The following MRPS5 variants were observed in gnomAD, a reference collection of about 807,000 sequenced individuals.
The protein encoded by MRPS5 is small ribosomal subunit protein uS5m.
In MRPS5, 27 loss-of-function variants were observed where a neutral mutation model predicts 51.9. The observed-to-expected ratio is 0.52, with a 90% CI of 0.38 to 0.72. The LOEUF (loss-of-function observed/expected upper bound fraction) is 0.72. MRPS5 is among the 30% of genes least tolerant of loss of function. The pLI is 0.00. For synonymous variants in MRPS5, 196 were observed against 193.2 expected, an observed-to-expected ratio of 1.01 and a Z score of -0.12; for missense variants, 570 against 545.7, an observed-to-expected ratio of 1.04 and a Z score of -0.44.
intron 3 of MRPS5, among the ~76,000 whole-genome samples, chr2:95,111,284 G>T (rs1676109558): frequency 6.6e-6 from 1 of 152,066 alleles, no homozygotes; most frequent in South Asian, 2.1e-4. Flanking sequence ...CTCTCACTAA[G>T]GATTTGATTT....
chr2:95,094,775 CATGCCAA>C (rs1675572378), intron 10 of MRPS5, among the ~76,000 whole-genome samples: 1 of 152,200 alleles, frequency 6.6e-6, no homozygotes, highest in African/African-American at 2.4e-5. Context: ...ACTGCAAAAA[CATGCCAA>C]ATTGTAAAGA....
chr2:95,109,407 G>C (rs1220698349), intron 4 of MRPS5, among the ~76,000 whole-genome samples: 3 of 152,154 alleles, frequency 2.0e-5, no homozygotes, highest in South Asian at 2.1e-4. Context: ...CGTGTTCTGG[G>C]TGTCAACAAA....
Position 95,086,183 on chromosome 2 carries a change from G to C in MRPS5, c.*1174C>G, listed in dbSNP as rs1237947912. Among the ~76,000 whole-genome samples, 2 of 152,106 alleles carry C rather than the reference G, an allele frequency of 1.3e-5. No homozygotes were observed. Among genetic ancestry groups the C allele is most frequent in the African/African-American group, 4.8e-5 (2 of 41,402 alleles). On this transcript the variant is annotated 3_prime_UTR_variant, in exon 12 of 12. Coordinates refer to ENST00000272418, the MANE Select transcript of MRPS5 (RefSeq NM_031902.5). ...AATCCTCCTGCCTCACCTTCACAAA[G>C]TGCTGGGGTTATAGGCGTGAGCCAC...
intron 6 of MRPS5, among the ~76,000 whole-genome samples, chr2:95,105,243 T>TC (rs1345575870): frequency 6.6e-6 from 1 of 152,200 alleles, no homozygotes; most frequent in Admixed American, 6.5e-5. Flanking sequence ...TGTATTTTTT[T>TC]CTGTGTATTT....
Position 95,121,754 on chromosome 2 carries a change from A to C in MRPS5, c.38T>G (p.Val13Gly), listed in dbSNP as rs776345512. The change falls in exon 1 of 12, where the codon GTG (valine) becomes GGG (glycine). Residue 13 changes from valine to glycine, a missense_variant. Val to Gly is a moderately radical substitution (Grantham distance 109, BLOSUM62 -3). Coordinates refer to ENST00000272418, the MANE Select transcript of MRPS5 (RefSeq NM_031902.5). ...CTCACCTGCCGTCCCGCTACACAGC[A>C]CGGGGAGGCAGCCCACAGCGCGCAC... is the stretch of plus-strand genomic sequence containing the variant. ...TAVRAVGCLP[V>G]LCSGTAGHLL... The C allele has an allele frequency of 1.3e-6, 2 of 1,552,940 alleles. No individual in the cohort carries two copies. Among genetic ancestry groups the C allele is most frequent in the Non-Finnish European group, 8.6e-7 (1 of 1,158,610 alleles).
chr2:95,118,299 T>C (rs183110593), intron 1 of MRPS5, among the ~76,000 whole-genome samples: 2 of 152,354 alleles, frequency 1.3e-5, no homozygotes, highest in Admixed American at 1.3e-4. Flanking sequence ...CCCCCTCTGC[T>C]TCATGGCTTT....
At chr2:95,104,141 T>C (rs1675879351) in intron 7 of MRPS5, 1 of 164,756 alleles carries the variant, frequency 6.1e-6, no homozygotes, top group Non-Finnish European at 1.3e-5. Context: ...CAGTGTACAG[T>C]TTTCCAGTCT....
At chr2:95,097,829 A>G (rs1675672865) in intron 10 of MRPS5, among the ~76,000 whole-genome samples, 2 of 152,248 alleles carry the variant, frequency 1.3e-5, no homozygotes, top group African/African-American at 4.8e-5. Flanking sequence ...AATGGCAACA[A>G]AAGCCAAAAT....
intron 9 of MRPS5, 147 bp downstream of exon 9, chr2:95,100,687 CCTT>C (rs1363985194): frequency 9.1e-6 from 8 of 880,638 alleles, no homozygotes; most frequent in Admixed American, 8.8e-5. Flanking sequence ...ATTTTAGTAA[CCTT>C]CTTAGGAGAT....
At position 95,087,344 on chromosome 2, in the gene MRPS5, A is replaced by G; in HGVS notation, c.*13T>C. ...AGGGCAGCACAGGAACTGGCTGCAC[A>G]AGGCCAGAGAGGTTACGTGGCGGCT... On this transcript the variant is annotated 3_prime_UTR_variant, in exon 12 of 12. Coordinates refer to ENST00000272418, the MANE Select transcript of MRPS5 (RefSeq NM_031902.5). 6.2e-7 allele frequency: 1 copy of G among 1,612,320 alleles called. No homozygotes were observed. The highest frequency in any genetic ancestry group is 1.1e-5 in the South Asian group (1 of 91,006).
In MRPS5 at chr2:95,086,616, A is replaced by G. The variant is rs1270700244; in HGVS notation, c.*741T>C. On this transcript the variant is annotated 3_prime_UTR_variant, in exon 12 of 12. Coordinates refer to ENST00000272418, the MANE Select transcript of MRPS5 (RefSeq NM_031902.5). ...GAAAGAGGATGTGGGTGGGGCAGAAAGAGTATGCAAAGAAATAAAAATATA... is the reference window on the plus strand; with the variant it reads ...GAAAGAGGATGTGGGTGGGGCAGAAGGAGTATGCAAAGAAATAAAAATATA... 2.0e-5 allele frequency among the ~76,000 whole-genome samples: 3 copies of G among 152,206 alleles called. No homozygotes were observed. Among genetic ancestry groups the G allele is most frequent in the Admixed American group, 2.0e-4 (3 of 15,280 alleles).
chr2:95,099,719 C>T (rs1675741857), intron 10 of MRPS5, among the ~76,000 whole-genome samples: 1 of 152,138 alleles, frequency 6.6e-6, no homozygotes, highest in East Asian at 1.9e-4. Flanking sequence ...AAGCAGAAGG[C>T]AAGTTCTAGT....
intron 3 of MRPS5, among the ~76,000 whole-genome samples, chr2:95,111,516 C>T (rs2104422114): frequency 6.6e-6 from 1 of 152,100 alleles, no homozygotes; most frequent in South Asian, 2.1e-4. Context: ...GAGTTTAGCT[C>T]TTTTATATAT....
intron 7 of MRPS5, among the ~76,000 whole-genome samples, chr2:95,102,384 C>T (rs1332650318): frequency 6.6e-6 from 1 of 152,142 alleles, no homozygotes; most frequent in Non-Finnish European, 1.5e-5. Context: ...CAGAAAGGGG[C>T]CAGGTGCAGT....
At position 95,108,421 on chromosome 2, in the gene MRPS5, A is replaced by G. The variant is rs778534080; in HGVS notation, c.404-13T>C. ...AAACCATAACGCCCTGAAGGTTTAA[A>G]AATATAAATAATAATTTTGTTAAAG... On this transcript the variant is annotated splice_polypyrimidine_tract_variant and intron_variant, in intron 4 of 11. Coordinates refer to ENST00000272418, the MANE Select transcript of MRPS5 (RefSeq NM_031902.5). The G allele has an allele frequency of 5.0e-6, 8 of 1,590,720 alleles. No homozygotes were observed. The Admixed American group carries it at 8.5e-5, about 17-fold the overall frequency.
chr2:95,086,451 C>T lies in MRPS5; in HGVS notation c.*906G>A, dbSNP rs1017144882. On this transcript the variant is annotated 3_prime_UTR_variant, in exon 12 of 12. Coordinates refer to ENST00000272418, the MANE Select transcript of MRPS5 (RefSeq NM_031902.5). ...GAATGGAAAGGAAAGAGTAAATAAC[C>T]AGTTATTCTGAAGATAAAACAATAG... Among the ~76,000 whole-genome samples the T allele has an allele frequency of 1.3e-5, 2 of 151,998 alleles. No homozygotes were observed. The highest frequency in any genetic ancestry group is 2.4e-5 in the African/African-American group (1 of 41,392).
rs1305978353 is a variant in MRPS5, at chr2:95,086,184, T to C, written c.*1173A>G. Among the ~76,000 whole-genome samples, 2 of 152,160 alleles carry C rather than the reference T, an allele frequency of 1.3e-5. No individual in the cohort carries two copies. The highest frequency in any genetic ancestry group is 4.8e-5 in the African/African-American group (2 of 41,432). On this transcript the variant is annotated 3_prime_UTR_variant, in exon 12 of 12. Transcript: ENST00000272418. ...ATCCTCCTGCCTCACCTTCACAAAG[T>C]GCTGGGGTTATAGGCGTGAGCCACC...
intron 10 of MRPS5, among the ~76,000 whole-genome samples, chr2:95,096,384 A>G (rs1454606166): frequency 6.6e-6 from 1 of 152,146 alleles, no homozygotes; most frequent in Non-Finnish European, 1.5e-5. Context: ...CACAACCAAA[A>G]ACAAAGAGAA....
At chr2:95,092,247 C>T (rs1406514163) in intron 10 of MRPS5, 3 of 152,216 alleles carry the variant, frequency 2.0e-5, no homozygotes, top group African/African-American at 7.2e-5. Flanking sequence ...TTTTGCAGTG[C>T]TGTGTGTGGA....
Sources: allele counts gnomAD v4.1 joint callset (sites outside exome capture counted in the v4.1 genomes callset), GRCh38; gene constraint gnomAD v4.1.1; transcripts MANE v1.5; gene names NCBI Gene and HGNC (gene_info 2026-07-23, HGNC 2026-07-21).